The following CYP2J2 variants were observed in gnomAD, a reference collection of about 807,000 sequenced individuals.
CYP2J2 encodes the protein cytochrome P450 family 2 subfamily J member 2.
A neutral mutation model predicts 48.8 loss-of-function variants in CYP2J2; 41 were observed. The observed-to-expected ratio is 0.84, with a 90% CI of 0.66 to 1.09. The LOEUF is 1.09. CYP2J2 is among the 50% of genes least tolerant of loss of function. CYP2J2 has a pLI of 0.00. For synonymous variants in CYP2J2, 221 were observed against 227.1 expected (o/e 0.97, Z 0.24); for missense variants, 644 against 617.3 (o/e 1.04, Z -0.46).
At chr1:59,916,570 C>T (rs116528857) in intron 1 of CYP2J2, among the ~76,000 whole-genome samples, 1,696 of 151,942 alleles carry the variant, frequency 0.011, 25 homozygotes, top group African/African-American at 0.039. Context: ...CCTGTCTTTA[C>T]AAAAAAATAA....
the CYP2J2 span, among the ~76,000 whole-genome samples, chr1:59,967,584 G>A: frequency 1.1e-4 from 16 of 152,176 alleles, no homozygotes; most frequent in Admixed American, 8.5e-4. Context: ...TGTGTGTGTC[G>A]TCTTTCTGAG....
At chr1:59,965,616 T>A in the CYP2J2 span, among the ~76,000 whole-genome samples, 144 of 152,318 alleles carry the variant, frequency 9.5e-4, 1 homozygote, top group Non-Finnish European at 1.8e-3. Context: ...ACCAGTGGTG[T>A]ACTTGGTGCT....
At chr1:59,926,839 C>A, upstream of CYP2J2, 1 of 1,196,130 alleles carries the variant, frequency 8.4e-7, no homozygotes, top group Non-Finnish European at 1.2e-6. Flanking sequence ...AGCCGTGCCC[C>A]GCCTCCCAGC....
upstream of CYP2J2, among the ~76,000 whole-genome samples, chr1:59,927,466 G>T (rs1557432781): frequency 6.6e-6 from 1 of 152,152 alleles, no homozygotes; most frequent in African/African-American, 2.4e-5. Context: ...ATACCATCTG[G>T]TGAGTGCCTG....
chr1:59,927,590 T>C (rs1644578195), upstream of CYP2J2, among the ~76,000 whole-genome samples: 1 of 152,192 alleles, frequency 6.6e-6, no homozygotes, highest in Non-Finnish European at 1.5e-5. Flanking sequence ...TATTTTATTT[T>C]ATTTCTTTAT....
chr1:59,910,151 C>T (rs1644399536), intron 4 of CYP2J2, among the ~76,000 whole-genome samples, 191 bp from the exon 5 acceptor site: 1 of 152,040 alleles, frequency 6.6e-6, no homozygotes, highest in South Asian at 2.1e-4. Context: ...ATATATCCAG[C>T]CTTGGACCAT....
At chr1:59,941,513 A>G in the CYP2J2 span, among the ~76,000 whole-genome samples, 1 of 152,332 alleles carries the variant, frequency 6.6e-6, no homozygotes, top group East Asian at 1.9e-4. Context: ...ATCACTTTAG[A>G]GTGTACTCCT....
chr1:59,900,897 C>A, intron 8 of CYP2J2, 68 bp downstream of exon 8: 1 of 1,544,262 alleles, frequency 6.5e-7, no homozygotes, highest in Non-Finnish European at 8.9e-7. Flanking sequence ...CAAGGGAAAA[C>A]AGGAGAGAGC....
intron 8 of CYP2J2, among the ~76,000 whole-genome samples, chr1:59,900,562 A>T (rs955414236): frequency 3.3e-5 from 5 of 152,202 alleles, no homozygotes; most frequent in Non-Finnish European, 7.3e-5. Context: ...TGAACCTGGG[A>T]GGTGGAGGTT....
intron 7 of CYP2J2, 75 bp from the exon 8 acceptor site, chr1:59,901,178 T>C: frequency 6.6e-7 from 1 of 1,512,900 alleles, no homozygotes; most frequent in Non-Finnish European, 9.1e-7. Flanking sequence ...GTGGTCATCC[T>C]CCGGCTTCCT....
chr1:59,903,571 GC>G (rs1232753613), intron 7 of CYP2J2, among the ~76,000 whole-genome samples: 1 of 152,172 alleles, frequency 6.6e-6, no homozygotes, highest in Non-Finnish European at 1.5e-5. Flanking sequence ...TGGATACTAT[GC>G]CAGTCACCTG....
intron 7 of CYP2J2, among the ~76,000 whole-genome samples, chr1:59,903,577 C>T (rs1308149980): frequency 2.0e-5 from 3 of 152,152 alleles, no homozygotes; most frequent in Non-Finnish European, 2.9e-5. Flanking sequence ...CTATGCCAGT[C>T]ACCTGGGTAA....
chr1:59,907,790 G>A lies in CYP2J2; in HGVS notation c.999C>T (p.Ile333=), dbSNP rs749353301. The change falls in exon 6 of 9, where the codon ATC becomes ATT. Residue 333 remains isoleucine, a synonymous_variant. Coordinates refer to ENST00000371204, the MANE Select transcript of CYP2J2 (RefSeq NM_000775.4). Reference sequence around the variant, plus strand: ...CTTACTCACTGACATGCTCACCTTGGATTTCTGGGTAGAGGGCCATATAAA... The same window carrying A: ...CTTACTCACTGACATGCTCACCTTGAATTTCTGGGTAGAGGGCCATATAAA... ...ALLYMALYPE[I]QEKVQAEIDR... is the part of the protein sequence containing the mutation. 2.5e-6 allele frequency: 4 copies of A among 1,613,864 alleles called. No individual in the cohort carries two copies. Among genetic ancestry groups the A allele is most frequent in the Non-Finnish European group, 2.5e-6 (3 of 1,179,862 alleles).
intron 1 of CYP2J2, among the ~76,000 whole-genome samples, chr1:59,923,759 A>G (rs11572206): frequency 3.3e-5 from 5 of 152,218 alleles, no homozygotes; most frequent in African/African-American, 4.8e-5. Context: ...TAAACAACAC[A>G]GAGAAACTAC....
At chr1:59,944,412 G>A in the CYP2J2 span, among the ~76,000 whole-genome samples, 2 of 152,214 alleles carry the variant, frequency 1.3e-5, no homozygotes, top group African/African-American at 2.4e-5. Flanking sequence ...TAGTAGAGCC[G>A]GGGTTTCACC....
At chr1:59,934,085 CAT>C in the CYP2J2 span, among the ~76,000 whole-genome samples, 2 of 152,056 alleles carry the variant, frequency 1.3e-5, no homozygotes, top group African/African-American at 4.8e-5. Context: ...CAAATCCATG[CAT>C]ATATGAGCAA....
the CYP2J2 span, among the ~76,000 whole-genome samples, chr1:59,952,408 C>T: frequency 2.0e-5 from 3 of 151,574 alleles, no homozygotes; most frequent in Non-Finnish European, 4.4e-5. Flanking sequence ...TCAGCTGGTG[C>T]TTAGCAATGG....
At chr1:59,912,332 A>T in intron 2 of CYP2J2, 21 bp from the exon 3 acceptor site, 1 of 1,606,724 alleles carries the variant, frequency 6.2e-7, no homozygotes, top group Non-Finnish European at 8.5e-7. Flanking sequence ...GAAAGTCAAC[A>T]TTACAGTATT....
At chr1:59,912,916 G>A (rs1469329374) in intron 2 of CYP2J2, 1 of 152,142 alleles carries the variant, frequency 6.6e-6, no homozygotes, top group East Asian at 1.9e-4. Context: ...CATACAGAAA[G>A]AAGAGTACAA....
Sources: allele counts gnomAD v4.1 joint callset (sites outside exome capture counted in the v4.1 genomes callset), GRCh38; gene constraint gnomAD v4.1.1; transcripts MANE v1.5; gene names NCBI Gene and HGNC (gene_info 2026-07-23, HGNC 2026-07-21).